Variants in ELF3 observed in about 807,000 individuals in gnomAD.
ELF3 encodes the protein E74 like ETS transcription factor 3.
A neutral mutation model predicts 43.9 loss-of-function variants in ELF3; 18 were observed. The observed-to-expected ratio is 0.41, with a 90% CI of 0.28 to 0.61. The LOEUF (loss-of-function observed/expected upper bound fraction) is 0.61, where lower values mean the gene tolerates loss of function less well. Ranked by LOEUF, ELF3 falls within the 20% of genes least tolerant of loss-of-function variation. ELF3 has a pLI of 0.30. For synonymous variants in ELF3, 181 were observed against 190.2 expected (o/e 0.95, Z 0.40); for missense variants, 373 against 487.7 (o/e 0.76, Z 2.21).
At position 202,011,954 on chromosome 1, in the gene ELF3, C is replaced by A. The variant is rs1188133116; in HGVS notation, c.164-3C>A. On this transcript the variant is annotated splice_region_variant and splice_polypyrimidine_tract_variant and intron_variant, in intron 2 of 8. Coordinates refer to ENST00000367284, the MANE Select transcript of ELF3 (RefSeq NM_004433.5). The stretch of plus-strand genomic sequence containing the variant: ...AGCCTGTTTCCCTGCCTGGCCCTTG[C>A]AGAGAAGGCCAGCTGGTTGGGGGAA... 6.2e-7 allele frequency: 1 copy of A among 1,613,200 alleles called. No individual in the cohort carries two copies. Among genetic ancestry groups the A allele is most frequent in the Non-Finnish European group, 8.5e-7 (1 of 1,179,844 alleles).
At position 202,013,307 on chromosome 1, in the gene ELF3, C is replaced by G; in HGVS notation, c.805+9C>G. On this transcript the variant is annotated intron_variant, in intron 7 of 8. Transcript: ENST00000367284. This position sits in a 1 kb window ranked among gnomAD's most constrained non-coding sequence, Gnocchi z 5.7. ...CAAGAAGAGCAAGCACGGTGAGCTC[C>G]GGGGGCACGTGGGTCCTCCCTGCGC... 6.2e-7 allele frequency: 1 copy of G among 1,611,792 alleles called. No homozygotes were observed. Among genetic ancestry groups the G allele is most frequent in the Non-Finnish European group, 8.5e-7 (1 of 1,178,168 alleles).
chr1:202,012,807 T>G lies in ELF3; in HGVS notation c.598+48T>G. 3 of 1,537,966 alleles carry G rather than the reference T, an allele frequency of 2.0e-6. No homozygotes were observed. The highest frequency in any genetic ancestry group is 2.6e-6 in the Non-Finnish European group (3 of 1,142,626). ...AACCTCCCTTCCCCGAAGTGTCCCTTGTTCCCTCTGGCTCCCAGCACCATA... is the reference window on the plus strand; with the variant it reads ...AACCTCCCTTCCCCGAAGTGTCCCTGGTTCCCTCTGGCTCCCAGCACCATA... On this transcript the variant is annotated intron_variant, in intron 5 of 8. Coordinates refer to ENST00000367284, the MANE Select transcript of ELF3 (RefSeq NM_004433.5). This position sits in a 1 kb window ranked among gnomAD's most constrained non-coding sequence, Gnocchi z 4.2.
chr1:202,011,081 G>C, intron 1 of ELF3, 48 bp from the exon 2 acceptor site: 1 of 1,604,172 alleles, frequency 6.2e-7, no homozygotes, highest in Non-Finnish European at 8.5e-7. Flanking sequence ...TGTAAGGAGA[G>C]GACCCTCGTC....
rs1259381585 is a variant in ELF3, at chr1:202,012,765, A to G, written c.598+6A>G. ...CTCTGACGTCTCCACCGCAGGTGAGAGCTCTCTCTGGGCCACAACCTCCCT... is the reference window on the plus strand; with the variant it reads ...CTCTGACGTCTCCACCGCAGGTGAGGGCTCTCTCTGGGCCACAACCTCCCT... On this transcript the variant is annotated splice_donor_region_variant and intron_variant, in intron 5 of 8. Coordinates refer to ENST00000367284, the MANE Select transcript of ELF3 (RefSeq NM_004433.5). This position sits in a 1 kb window ranked among gnomAD's most constrained non-coding sequence, Gnocchi z 4.2. The G allele has an allele frequency of 6.4e-7, 1 of 1,554,566 alleles. No homozygotes were observed. Among genetic ancestry groups the G allele is most frequent in the South Asian group, 1.2e-5 (1 of 82,400 alleles).
At chr1:202,011,401 C>G in intron 2 of ELF3, 102 bp downstream of exon 2, 1 of 1,406,306 alleles carries the variant, frequency 7.1e-7, no homozygotes, top group Non-Finnish European at 9.5e-7. Context: ...GGTCTCTAGG[C>G]AAATTCCAGG....
rs543981030 is a variant in ELF3, at chr1:202,013,624, A to G, written c.806-205A>G. 8.5e-5 allele frequency among the ~76,000 whole-genome samples: 13 copies of G among 152,102 alleles called. No homozygotes were observed. The highest frequency in any genetic ancestry group is 3.1e-4 in the African/African-American group (13 of 41,518). ...TGTCCTGCCCTCTGGGACACCCTCA[A>G]TGTGAGGAGGCAGCTGGTGGGTCTT... On this transcript the variant is annotated intron_variant, in intron 7 of 8. Transcript: ENST00000367284. The surrounding 1 kb of genome is among the most constrained non-coding windows in gnomAD (Gnocchi z 5.7).
Position 202,013,219 on chromosome 1 carries a change from C to T in ELF3, c.726C>T (p.His242=), listed in dbSNP as rs145825104. The change falls in exon 7 of 9, where the codon CAC becomes CAT. Residue 242 remains histidine, a synonymous_variant. Coordinates refer to ENST00000367284, the MANE Select transcript of ELF3 (RefSeq NM_004433.5). This position sits in a 1 kb window ranked among gnomAD's most constrained non-coding sequence, Gnocchi z 5.7. ...ACTGCAAGAAGGGGGATCCCAAGCA[C>T]GGGAAGCGGAAACGAGGCCGGCCCC... The part of the protein sequence containing the change: ...FRDCKKGDPK[H]GKRKRGRPRK... 5.4e-5 allele frequency: 87 copies of T among 1,614,094 alleles called. No homozygotes were observed. In the African/African-American group the frequency reaches 7.6e-4, roughly 14 times the overall value.
chr1:202,013,129 T>C lies in ELF3; in HGVS notation c.689-53T>C. Reference sequence around the variant, plus strand: ...CAGCCTTTTCCTGTAGAGGGGCTACTCTCCCTAACTCCCCTCTTGCCCCTC... The same window carrying C: ...CAGCCTTTTCCTGTAGAGGGGCTACCCTCCCTAACTCCCCTCTTGCCCCTC... On this transcript the variant is annotated intron_variant, in intron 6 of 8. Transcript: ENST00000367284. The surrounding 1 kb of genome is among the most constrained non-coding windows in gnomAD (Gnocchi z 5.7). The C allele has an allele frequency of 6.2e-7, 1 of 1,606,382 alleles. No homozygotes were observed. The highest frequency in any genetic ancestry group is 8.5e-7 in the Non-Finnish European group (1 of 1,175,380).
chr1:202,015,043 G>T, intron 8 of ELF3, 166 bp from the exon 9 acceptor site: 1 of 613,672 alleles, frequency 1.6e-6, no homozygotes, highest in South Asian at 1.9e-5. Context: ...CTGCTTGCCA[G>T]TGTGAAGAAC....
rs755955632 is a variant in ELF3, at chr1:202,012,077, G to C, written c.284G>C (p.Cys95Ser). The change falls in exon 3 of 9, where the codon TGT (cysteine) becomes TCT (serine). Residue 95 changes from cysteine (C) to serine (S), a missense_variant. Physicochemically the swap from Cys to Ser is moderately radical, Grantham distance 112 (BLOSUM62 -1). Coordinates refer to ENST00000367284, the MANE Select transcript of ELF3 (RefSeq NM_004433.5). The surrounding 1 kb of genome is among the most constrained non-coding windows in gnomAD (Gnocchi z 4.2). Reference sequence around the variant, plus strand: ...GCAAGCGCCATTGACTTCTCACGATGTGACATGGATGGCGCCACCCTCTGC... The same window carrying C: ...GCAAGCGCCATTGACTTCTCACGATCTGACATGGATGGCGCCACCCTCTGC... The part of the protein sequence containing the change: ...YDASAIDFSR[C>S]DMDGATLCNC... The C allele has an allele frequency of 3.1e-6, 5 of 1,614,116 alleles. No homozygotes were observed. Among genetic ancestry groups the C allele is most frequent in the Non-Finnish European group, 4.2e-6 (5 of 1,180,056 alleles).
Position 202,012,727 on chromosome 1 carries a change from C to T in ELF3, c.566C>T (p.Pro189Leu), listed in dbSNP as rs771105129. The T allele has an allele frequency of 3.8e-6, 6 of 1,594,074 alleles. No homozygotes were observed. The East Asian group carries it at 1.3e-4, about 36-fold the overall frequency. ...CCCGGCAGCTGTGGCGCAGGAGCCC[C>T]CTCCCCTGGCAGCTCTGACGTCTCC... Reference protein sequence around the residue: ...YHPGSCGAGAPSPGSSDVSTA... With the variant: ...YHPGSCGAGALSPGSSDVSTA... Residue 189 changes from proline (P) to leucine (L), a missense_variant, in exon 5 of 9, where the codon CCC becomes CTC. Pro to Leu is a moderately conservative substitution (Grantham distance 98, BLOSUM62 -3). Transcript: ENST00000367284. This position sits in a 1 kb window ranked among gnomAD's most constrained non-coding sequence, Gnocchi z 4.2.
rs747573238 is a variant in ELF3 at position 202,013,926 on chromosome 1, C to T, written c.903C>T (p.Gly301=). The change falls in exon 8 of 9, where the codon GGC becomes GGT. Residue 301 remains glycine, a synonymous_variant. Transcript: ENST00000367284. This position sits in a 1 kb window ranked among gnomAD's most constrained non-coding sequence, Gnocchi z 5.7. ...TGAAGTGGGAGAATCGGCATGAAGG[C>T]GTCTTCAAGTTCCTGCGCTCCGAGG... is the stretch of plus-strand genomic sequence containing the variant. ...GLMKWENRHE[G]VFKFLRSEAV... 26 of 1,613,944 alleles carry T rather than the reference C, an allele frequency of 1.6e-5. No individual in the cohort carries two copies. The highest frequency in any genetic ancestry group is 5.3e-5 in the African/African-American group (4 of 74,922).
Position 202,012,452 on chromosome 1 carries a change from CTCCT to C in ELF3, c.478+24_478+27del, listed in dbSNP as rs1367624721. On this transcript the variant is annotated intron_variant, in intron 4 of 8. Transcript: ENST00000367284. This position sits in a 1 kb window ranked among gnomAD's most constrained non-coding sequence, Gnocchi z 4.2. ...GGGCCCTTTGGTGAGAACCCGTTTT[CTCCT>C]TCCTTCCCCAGCCTGTCTTGTCCCA... 6.2e-7 allele frequency: 1 copy of C among 1,612,984 alleles called. No individual in the cohort carries two copies. The highest frequency in any genetic ancestry group is 8.5e-7 in the Non-Finnish European group (1 of 1,179,412).
rs1202772012 is a variant in ELF3 at position 202,016,505 on chromosome 1, T to G, written c.*1182T>G. 1 of 128,256 alleles carries G rather than the reference T, an allele frequency of 7.8e-6. No individual in the cohort carries two copies. Among genetic ancestry groups the G allele is most frequent in the East Asian group, 2.3e-4 (1 of 4,354 alleles). 7.9% of individuals were successfully genotyped at this position (128,256 alleles called of 1,614,324 possible). On this transcript the variant is annotated 3_prime_UTR_variant, in exon 9 of 9. Coordinates refer to ENST00000367284, the MANE Select transcript of ELF3 (RefSeq NM_004433.5). ...CTTTTGAGTCTGACAAAATCAGAGT[T>G]AGGATCTTGTAAAGGAAAAAAAAAA... is the stretch of plus-strand genomic sequence containing the variant.
Position 202,013,913 on chromosome 1 carries a change from A to C in ELF3, c.890A>C (p.Asn297Thr). The C allele has an allele frequency of 6.2e-7, 1 of 1,614,108 alleles. No individual in the cohort carries two copies. Among genetic ancestry groups the C allele is most frequent in the Non-Finnish European group, 8.5e-7 (1 of 1,180,002 alleles). ...ELNEGLMKWE[N>T]RHEGVFKFLR... The stretch of plus-strand genomic sequence containing the variant: ...AACGAGGGCCTCATGAAGTGGGAGA[A>C]TCGGCATGAAGGCGTCTTCAAGTTC... The change falls in exon 8 of 9, where the codon AAT (asparagine) becomes ACT (threonine). Residue 297 changes from asparagine (N) to threonine (T), a missense_variant. Physicochemically the swap from Asn to Thr is moderately conservative, Grantham distance 65. Around this residue, in one of 3 missense-constraint regions of ELF3, gnomAD observed 61 missense variants for 115.9 expected, o/e 0.53. Transcript: ENST00000367284. The surrounding 1 kb of genome is among the most constrained non-coding windows in gnomAD (Gnocchi z 5.7).
rs1290376133 is a variant in ELF3 at position 202,011,051 on chromosome 1, C to T, written c.-8-78C>T. ...GGGGCTACTCTTGCCCAGGGTTGGG[C>T]AAAGCAGAGTAGCTGGGAGTGTAAG... is the stretch of plus-strand genomic sequence containing the variant. On this transcript the variant is annotated intron_variant, in intron 1 of 8. Transcript: ENST00000367284. 1.4e-5 allele frequency: 22 copies of T among 1,551,274 alleles called. No homozygotes were observed. In the East Asian group the frequency reaches 4.5e-4, roughly 32 times the overall value.
intron 1 of ELF3, 113 bp from the exon 2 acceptor site, chr1:202,011,016 C>T: frequency 8.3e-7 from 1 of 1,209,834 alleles, no homozygotes; most frequent in Non-Finnish European, 1.2e-6. Context: ...TGCTGATCTT[C>T]CTGCCCCTGG....
Position 202,015,527 on chromosome 1 carries a change from T to C in ELF3, c.*204T>C. On this transcript the variant is annotated 3_prime_UTR_variant, in exon 9 of 9. Transcript: ENST00000367284. ...TCGCCTCCCCACCCTCCTCTTGGAATTACAAGCCCTGGGGTTTGAAGCTGA... is the reference window on the plus strand; with the variant it reads ...TCGCCTCCCCACCCTCCTCTTGGAACTACAAGCCCTGGGGTTTGAAGCTGA... 1 of 579,956 alleles carries C rather than the reference T, an allele frequency of 1.7e-6. No homozygotes were observed. Among genetic ancestry groups the C allele is most frequent in the Non-Finnish European group, 3.1e-6 (1 of 325,508 alleles). The allele number at this position is 579,956 out of a possible 1,614,324, so 35.9% of individuals were successfully genotyped here.
At position 202,012,373 on chromosome 1, in the gene ELF3, A is replaced by T; in HGVS notation, c.415A>T (p.Ile139Phe). ...CAGCTCTTCTGATGAGCTCAGTTGG[A>T]TCATTGAGCTGCTGGAGAAGGATGG... ...TSSSSDELSWIIELLEKDGMA... is the reference protein window; with the variant it reads ...TSSSSDELSWFIELLEKDGMA... Residue 139 changes from isoleucine (I) to phenylalanine (F), a missense_variant, in exon 4 of 9, where the codon ATC becomes TTC. Transcript: ENST00000367284. The surrounding 1 kb of genome is among the most constrained non-coding windows in gnomAD (Gnocchi z 4.2). 1 of 1,613,938 alleles carries T rather than the reference A, an allele frequency of 6.2e-7. No homozygotes were observed. Among genetic ancestry groups the T allele is most frequent in the Non-Finnish European group, 8.5e-7 (1 of 1,179,948 alleles).
Sources: allele counts gnomAD v4.1 joint callset (sites outside exome capture counted in the v4.1 genomes callset), GRCh38; gene constraint gnomAD v4.1.1; regional missense constraint gnomAD v4.1.1; non-coding constraint Gnocchi (gnomAD v3.1); transcripts MANE v1.5; gene names NCBI Gene and HGNC (gene_info 2026-07-23, HGNC 2026-07-21).